The following PEX2 variants were observed in gnomAD, a reference collection of about 807,000 sequenced individuals.
The protein encoded by PEX2 is peroxisome biogenesis factor 2.
In PEX2, 19 loss-of-function variants were observed where a neutral mutation model predicts 25.2. The ratio of observed to expected loss-of-function variants is 0.75; its 90% CI spans 0.53 to 1.10. The LOEUF (loss-of-function observed/expected upper bound fraction) is 1.10. PEX2 is among the 50% of genes least tolerant of loss of function. The probability of loss-of-function intolerance (pLI) is 0.00; values close to 1 mark genes in which losing one functional copy is unlikely to be tolerated. For missense variants in PEX2, 347 were observed against 350.6 expected (o/e 0.99, Z 0.08); for synonymous variants, 141 against 127.7 (o/e 1.10, Z -0.70).
At position 76,986,589 on chromosome 8, in the gene PEX2, C is replaced by T. The variant is rs1326994270; in HGVS notation, c.-127-293G>A. On this transcript the variant is annotated intron_variant, in intron 2 of 3. Transcript: ENST00000357039. ...CAGCTTGCTTTCCTTCCTTACGCAT[C>T]ACATCCAGTCAAAAAGTACCCCCTT... 4.6e-5 allele frequency: 7 copies of T among 152,502 alleles called. No individual in the cohort carries two copies. In the East Asian group the frequency reaches 1.4e-3, roughly 29 times the overall value. 9.4% of individuals were successfully genotyped at this position (152,502 alleles called of 1,614,324 possible).
At chr8:76,986,433 C>G (rs1319720528) in intron 2 of PEX2, 137 bp from the exon 3 acceptor site, 2 of 152,440 alleles carry the variant, frequency 1.3e-5, no homozygotes, top group African/African-American at 2.4e-5. Flanking sequence ...CCCCGCAAGC[C>G]TTTTCCTGAA....
At position 76,981,321 on chromosome 8, in the gene PEX2, G is replaced by A. The variant is rs1241369798; in HGVS notation, c.*1940C>T. The A allele has an allele frequency of 6.6e-6, 1 of 152,126 alleles. No individual in the cohort carries two copies. Among genetic ancestry groups the A allele is most frequent in the African/African-American group, 2.4e-5 (1 of 41,402 alleles). 9.4% of individuals were successfully genotyped at this position (152,126 alleles called of 1,614,324 possible). A position where few individuals can be genotyped will look rare whatever the true frequency, so the allele number is the denominator to read the frequency against. On this transcript the variant is annotated 3_prime_UTR_variant, in exon 4 of 4. Transcript: ENST00000357039. ...CCTCATCTCTACAAAAATTAGCCAGGCATGGTGGTATGGGCCTGTGGTCCC... is the reference window on the plus strand; with the variant it reads ...CCTCATCTCTACAAAAATTAGCCAGACATGGTGGTATGGGCCTGTGGTCCC...
intron 1 of PEX2, among the ~76,000 whole-genome samples, chr8:76,994,489 T>A (rs1175788438): frequency 6.6e-6 from 1 of 152,152 alleles, no homozygotes. Flanking sequence ...CCATGTAACA[T>A]CTCCTACATC....
At chr8:76,992,395 G>A (rs1807197997) in intron 1 of PEX2, among the ~76,000 whole-genome samples, 1 of 152,116 alleles carries the variant, frequency 6.6e-6, no homozygotes, top group South Asian at 2.1e-4. Flanking sequence ...TTCATCACCA[G>A]CATATTACAT....
At chr8:76,989,946 TCTC>T (rs1268371856) in intron 1 of PEX2, among the ~76,000 whole-genome samples, 1 of 152,220 alleles carries the variant, frequency 6.6e-6, no homozygotes, top group Non-Finnish European at 1.5e-5. Flanking sequence ...CATATTGGCT[TCTC>T]CTCTCTAGCT....
intron 1 of PEX2, among the ~76,000 whole-genome samples, chr8:76,991,501 G>A (rs897308578): frequency 1.3e-5 from 2 of 152,108 alleles, no homozygotes; most frequent in African/African-American, 4.8e-5. Flanking sequence ...TGCTCCTCCA[G>A]ATGAATAATT....
In PEX2 at chr8:76,983,254, T is replaced by C. The variant is rs1806889319; in HGVS notation, c.*7A>G. On this transcript the variant is annotated 3_prime_UTR_variant, in exon 4 of 4. Coordinates refer to ENST00000357039, the MANE Select transcript of PEX2 (RefSeq NM_000318.3). ...ATTTTTTTCCTCAAAGGAAGCAATT[T>C]TAGTTTCTAAAGAGCATTTACTTCT... 6.2e-7 allele frequency: 1 copy of C among 1,611,216 alleles called. No individual in the cohort carries two copies. The highest frequency in any genetic ancestry group is 1.7e-5 in the Admixed American group (1 of 60,030).
chr8:76,986,243 G>T lies in PEX2; in HGVS notation c.-74C>A, dbSNP rs1394288906. ...TGGACAGCCTATAGCTATGACAGTG[G>T]GAATTTTTGCTCCAAGTTCTTCTGT... On this transcript the variant is annotated 5_prime_UTR_variant, in exon 3 of 4. Transcript: ENST00000357039. The T allele has an allele frequency of 6.6e-6, 1 of 152,124 alleles. No homozygotes were observed. Among genetic ancestry groups the T allele is most frequent in the African/African-American group, 2.4e-5 (1 of 41,412 alleles). The allele number at this position is 152,124 out of a possible 1,614,324, so 9.4% of individuals were successfully genotyped here.
chr8:76,991,237 G>T (rs759916908), intron 1 of PEX2, among the ~76,000 whole-genome samples: 1 of 152,162 alleles, frequency 6.6e-6, no homozygotes, highest in African/African-American at 2.4e-5. Context: ...AAAACATTCA[G>T]TAAAAACAGG....
At chr8:76,995,758 T>C (rs1194612866) in intron 1 of PEX2, among the ~76,000 whole-genome samples, 1 of 152,204 alleles carries the variant, frequency 6.6e-6, no homozygotes, top group Non-Finnish European at 1.5e-5. Flanking sequence ...AGTCTGAGAA[T>C]GCTTATTGTG....
Position 76,982,949 on chromosome 8 carries a change from A to G in PEX2, c.*312T>C, listed in dbSNP as rs1301779471. 2 of 468,480 alleles carry G rather than the reference A, an allele frequency of 4.3e-6. No homozygotes were observed. Among genetic ancestry groups the G allele is most frequent in the Non-Finnish European group, 6.9e-6 (2 of 290,006 alleles). 29.0% of individuals were successfully genotyped at this position (468,480 alleles called of 1,614,324 possible). ...GAGTCTCCAAAATCTTTATCTTTAGAATCCAACCTTGTTTTAAGAAGTAGT... is the reference window on the plus strand; with the variant it reads ...GAGTCTCCAAAATCTTTATCTTTAGGATCCAACCTTGTTTTAAGAAGTAGT... On this transcript the variant is annotated 3_prime_UTR_variant, in exon 4 of 4. Transcript: ENST00000357039.
chr8:76,983,875 G>C lies in PEX2; in HGVS notation c.304C>G (p.Gln102Glu). 1 of 1,614,012 alleles carries C rather than the reference G, an allele frequency of 6.2e-7. No homozygotes were observed. The highest frequency in any genetic ancestry group is 1.1e-5 in the South Asian group (1 of 91,062). The change falls in exon 4 of 4, where the codon CAA becomes GAA. Residue 102 changes from glutamine to glutamate, a missense_variant. Coordinates refer to ENST00000357039, the MANE Select transcript of PEX2 (RefSeq NM_000318.3). ...GTACAAACAGCATACCAGATTTTTT[G>C]ATTTTTACTGGGTGGCTGATATCTC... ...NLRYQPPSKN[Q>E]KIWYAVCTIG...
Position 76,980,358 on chromosome 8 carries a change from G to A in PEX2, c.*2903C>T, listed in dbSNP as rs1210335420. On this transcript the variant is annotated 3_prime_UTR_variant, in exon 4 of 4. Coordinates refer to ENST00000357039, the MANE Select transcript of PEX2 (RefSeq NM_000318.3). ...AATGTCCTTATCAAGCTAGATCACT[G>A]GTAAAATGAGACTGCAATGTGGACT... 2.6e-5 allele frequency: 4 copies of A among 152,198 alleles called. No individual in the cohort carries two copies. Among genetic ancestry groups the A allele is most frequent in the Admixed American group, 2.6e-4 (4 of 15,282 alleles). 9.4% of individuals were successfully genotyped at this position (152,198 alleles called of 1,614,324 possible).
chr8:76,993,595 T>C (rs1192515510), intron 1 of PEX2, among the ~76,000 whole-genome samples: 1 of 152,232 alleles, frequency 6.6e-6, no homozygotes, highest in Non-Finnish European at 1.5e-5. Context: ...TAACAATTTC[T>C]ATATTATTGG....
chr8:76,997,552 C>T (rs1315205880), intron 1 of PEX2, among the ~76,000 whole-genome samples: 1 of 152,098 alleles, frequency 6.6e-6, no homozygotes, highest in Non-Finnish European at 1.5e-5. Context: ...CTGGGCAACA[C>T]AGCAAGACTC....
rs376101275 is a variant in PEX2, at chr8:76,983,441, T to C, written c.738A>G (p.Leu246=). The C allele has an allele frequency of 1.2e-5, 20 of 1,614,068 alleles. No homozygotes were observed. Among genetic ancestry groups the C allele is most frequent in the Middle Eastern group, 3.3e-4 (2 of 6,082 alleles). ...TLATSGKECA[L]CGEWPTMPHT... ...GAGGCATGGTGGGCCACTCTCCACA[T>C]AGAGCGCATTCTTTGCCACTGGTGG... The change falls in exon 4 of 4, where the codon CTA becomes CTG. Residue 246 remains leucine, a synonymous_variant. Coordinates refer to ENST00000357039, the MANE Select transcript of PEX2 (RefSeq NM_000318.3).
chr8:76,981,906 A>C lies in PEX2; in HGVS notation c.*1355T>G, dbSNP rs1806840994. ...TTACACTAAATTGAACCTAAATTAA[A>C]CTTACAGTTCATTCAATCACAGAAT... On this transcript the variant is annotated 3_prime_UTR_variant, in exon 4 of 4. Transcript: ENST00000357039. 6.6e-6 allele frequency: 1 copy of C among 152,192 alleles called. No individual in the cohort carries two copies. Among genetic ancestry groups the C allele is most frequent in the African/African-American group, 2.4e-5 (1 of 41,458 alleles). The allele number at this position is 152,192 out of a possible 1,614,324, so 9.4% of individuals were successfully genotyped here. A position where few individuals can be genotyped will look rare whatever the true frequency, so the allele number is the denominator to read the frequency against.
At chr8:76,991,015 T>C (rs1215083169) in intron 1 of PEX2, among the ~76,000 whole-genome samples, 1 of 152,156 alleles carries the variant, frequency 6.6e-6, no homozygotes, top group Non-Finnish European at 1.5e-5. Context: ...CTATACCAAG[T>C]AGGTTTGTGT....
chr8:76,989,074 G>C (rs10957831), intron 1 of PEX2, among the ~76,000 whole-genome samples: 36,866 of 151,170 alleles, frequency 0.24, 4,949 homozygotes, highest in Admixed American at 0.31. Context: ...CTACTAAGGG[G>C]AGGCTGACGC....
Sources: allele counts gnomAD v4.1 joint callset (sites outside exome capture counted in the v4.1 genomes callset), GRCh38; gene constraint gnomAD v4.1.1; transcripts MANE v1.5; gene names NCBI Gene and HGNC (gene_info 2026-07-23, HGNC 2026-07-21).